Variants in UNC5D observed in about 807,000 individuals in gnomAD.
UNC5D encodes the protein unc-5 netrin receptor D, also known as netrin receptor UNC5D.
In UNC5D, 39 loss-of-function variants were observed where a neutral mutation model predicts 105.4. The ratio of observed to expected loss-of-function variants is 0.37; its 90% confidence interval spans 0.29 to 0.48. UNC5D has a LOEUF of 0.48. UNC5D is among the 20% of genes least tolerant of loss of function. The pLI is 0.98. For missense variants in UNC5D, 991 were observed against 1,202.4 expected (o/e 0.82, Z 2.60); for synonymous variants, 452 against 450.4 (o/e 1.00, Z -0.04).
At chr8:35,541,735 A>G (rs1815290069) in intron 1 of UNC5D, among the ~76,000 whole-genome samples, 1 of 152,092 alleles carries the variant, frequency 6.6e-6, no homozygotes, top group African/African-American at 2.4e-5. Context: ...GTTATTATTT[A>G]TCTCTATTTT....
At chr8:35,605,612 C>T (rs1820236939) in intron 4 of UNC5D, among the ~76,000 whole-genome samples, 1 of 152,194 alleles carries the variant, frequency 6.6e-6, no homozygotes, top group African/African-American at 2.4e-5. Flanking sequence ...TTATTGCTGT[C>T]TTTTGTTTGT....
intron 1 of UNC5D, among the ~76,000 whole-genome samples, chr8:35,540,709 G>C (rs187516966): frequency 2.2e-4 from 33 of 152,120 alleles, no homozygotes; most frequent in African/African-American, 7.7e-4. Context: ...ATCATAACTG[G>C]TGTAGAATCT....
intron 2 of UNC5D, among the ~76,000 whole-genome samples, chr8:35,562,347 C>T (rs1817024467): frequency 6.6e-6 from 1 of 151,840 alleles, no homozygotes. Flanking sequence ...GATATATATG[C>T]CTAGTAGTGG....
intron 7 of UNC5D, among the ~76,000 whole-genome samples, chr8:35,701,258 A>T (rs994013682): frequency 6.6e-6 from 1 of 152,192 alleles, no homozygotes; most frequent in African/African-American, 2.4e-5. Context: ...AAACATATCT[A>T]TGCAGTATTC....
chr8:35,544,595 G>GTTTTT (rs775831187), intron 1 of UNC5D: 923 of 572,252 alleles, frequency 1.6e-3, no homozygotes, highest in South Asian at 2.9e-3. Flanking sequence ...TTTCGTTTTC[G>GTTTTT]TTTTTTTTTT....
chr8:35,740,009 A>G (rs1410915563), intron 11 of UNC5D, among the ~76,000 whole-genome samples: 1 of 152,022 alleles, frequency 6.6e-6, no homozygotes, highest in Non-Finnish European at 1.5e-5. Context: ...CGCTCTGCAA[A>G]TTACGGTGGG....
At chr8:35,278,255 C>A (rs1805906577) in intron 1 of UNC5D, among the ~76,000 whole-genome samples, 1 of 152,186 alleles carries the variant, frequency 6.6e-6, no homozygotes, top group Non-Finnish European at 1.5e-5. Flanking sequence ...TCTGGCCACA[C>A]TCATCAGCAG....
chr8:35,683,753 T>C, intron 5 of UNC5D, 26 bp downstream of exon 5: 1 of 1,462,436 alleles, frequency 6.8e-7, no homozygotes, highest in East Asian at 2.6e-5. Context: ...AGGCCAGGAA[T>C]GGATAGGGAG....
At chr8:35,766,343 C>G (rs1209231430) in intron 14 of UNC5D, among the ~76,000 whole-genome samples, 1 of 152,004 alleles carries the variant, frequency 6.6e-6, no homozygotes, top group Admixed American at 6.6e-5. Flanking sequence ...CCCTCTTTCT[C>G]TCCCTGGCTG....
intron 4 of UNC5D, among the ~76,000 whole-genome samples, chr8:35,641,943 T>C (rs1822776295): frequency 6.6e-6 from 1 of 152,182 alleles, no homozygotes; most frequent in Non-Finnish European, 1.5e-5. Context: ...CATCTCACTA[T>C]TGAATACCCT....
chr8:35,311,168 A>G (rs184229387), intron 1 of UNC5D, among the ~76,000 whole-genome samples: 43 of 152,314 alleles, frequency 2.8e-4, no homozygotes, highest in African/African-American at 9.4e-4. Flanking sequence ...GACACATGGC[A>G]TAAGAGTTGC....
chr8:35,512,834 T>C (rs1812847020), intron 1 of UNC5D, among the ~76,000 whole-genome samples: 1 of 151,802 alleles, frequency 6.6e-6, no homozygotes, highest in Non-Finnish European at 1.5e-5. Flanking sequence ...GAGATGAGGT[T>C]GTAGAAGTGT....
intron 1 of UNC5D, among the ~76,000 whole-genome samples, chr8:35,541,331 G>A (rs1815259142): frequency 6.6e-6 from 1 of 152,180 alleles, no homozygotes; most frequent in African/African-American, 2.4e-5. Context: ...TCAGGAGGCA[G>A]CTTTAGTCTA....
At chr8:35,723,585 T>G (rs930883161) in intron 9 of UNC5D, among the ~76,000 whole-genome samples, 3 of 151,988 alleles carry the variant, frequency 2.0e-5, no homozygotes, top group Non-Finnish European at 4.4e-5. Context: ...TTTTTATTTT[T>G]TATAGAGACA....
chr8:35,458,327 G>A (rs1276597482), intron 1 of UNC5D, among the ~76,000 whole-genome samples: 2 of 152,054 alleles, frequency 1.3e-5, no homozygotes, highest in Non-Finnish European at 2.9e-5. Flanking sequence ...ATAATCATTA[G>A]GACAGGCTCT....
At chr8:35,469,178 C>T (rs1809529675) in intron 1 of UNC5D, among the ~76,000 whole-genome samples, 1 of 152,186 alleles carries the variant, frequency 6.6e-6, no homozygotes, top group Non-Finnish European at 1.5e-5. Context: ...TAGGTAAAAA[C>T]TTCTCCTTAT....
chr8:35,482,627 AGTATTTACTTTG>A (rs1810553985), intron 1 of UNC5D, among the ~76,000 whole-genome samples: 1 of 152,092 alleles, frequency 6.6e-6, no homozygotes, highest in South Asian at 2.1e-4. Flanking sequence ...CCAACATTTA[AGTATTTACTTTG>A]GTCTAGATTC....
chr8:35,520,560 G>A (rs1813394666), intron 1 of UNC5D, among the ~76,000 whole-genome samples: 1 of 152,154 alleles, frequency 6.6e-6, no homozygotes, highest in Admixed American at 6.5e-5. Flanking sequence ...TATATGGTAT[G>A]TGGGTTATAT....
intron 14 of UNC5D, 115 bp from the exon 15 acceptor site, chr8:35,766,787 C>T (rs1475984971): frequency 1.6e-6 from 2 of 1,238,270 alleles, no homozygotes; most frequent in South Asian, 2.1e-5. Context: ...TGTGATTGTC[C>T]TCATCGTTGT....
Sources: allele counts gnomAD v4.1 joint callset (sites outside exome capture counted in the v4.1 genomes callset), GRCh38; gene constraint gnomAD v4.1.1; transcripts MANE v1.5; gene names NCBI Gene and HGNC (gene_info 2026-07-23, HGNC 2026-07-21).